TRAPPC9: variants seen among roughly 807,000 people sequenced by gnomAD.
The protein encoded by TRAPPC9 is trafficking protein particle complex subunit 9, also known as IKK2 binding protein.
TRAPPC9 carries 83 observed loss-of-function variants against 124.0 expected under a neutral mutation model. The ratio of observed to expected loss-of-function variants is 0.67; its 90% confidence interval spans 0.56 to 0.80. TRAPPC9 has a LOEUF of 0.80. Among genes scored for constraint, TRAPPC9 ranks in the 30% least tolerant of loss-of-function variants. TRAPPC9 has a pLI of 0.00. For synonymous variants in TRAPPC9, 638 were observed against 617.5 expected, an observed-to-expected ratio of 1.03 and a Z score of -0.49; for missense variants, 1,302 against 1,508.3, an observed-to-expected ratio of 0.86 and a Z score of 2.27.
At chr8:139,841,194 T>A (rs1455316228) in intron 21 of TRAPPC9, among the ~76,000 whole-genome samples, 1 of 152,162 alleles carries the variant, frequency 6.6e-6, no homozygotes, top group Non-Finnish European at 1.5e-5. Flanking sequence ...TCACATCGCA[T>A]CACTCCGCCC....
At chr8:139,813,153 G>A (rs111819110) in intron 21 of TRAPPC9, among the ~76,000 whole-genome samples, 9 of 152,342 alleles carry the variant, frequency 5.9e-5, no homozygotes, top group African/African-American at 1.2e-4. Flanking sequence ...CAAGCAGGGC[G>A]TGCCCCAGCA....
At chr8:139,989,220 T>C (rs756256096) in intron 18 of TRAPPC9, among the ~76,000 whole-genome samples, 10 of 152,170 alleles carry the variant, frequency 6.6e-5, no homozygotes, top group Non-Finnish European at 1.0e-4. Context: ...AGGCATACAG[T>C]GCCATTCAAG....
intron 19 of TRAPPC9, among the ~76,000 whole-genome samples, chr8:139,948,673 G>C (rs746543100): frequency 1.3e-5 from 2 of 152,158 alleles, no homozygotes; most frequent in Non-Finnish European, 2.9e-5. Context: ...ACCCTGATCT[G>C]GCCACAGGAT....
At chr8:140,387,708 TAA>T (rs1417283957) in intron 7 of TRAPPC9, among the ~76,000 whole-genome samples, 2 of 152,116 alleles carry the variant, frequency 1.3e-5, no homozygotes, top group African/African-American at 4.8e-5. Context: ...TGGTGATCAT[TAA>T]AAAGTCAGGA....
intron 11 of TRAPPC9, chr8:140,291,384 G>A (rs2065653585): frequency 2.3e-6 from 1 of 440,092 alleles, no homozygotes; most frequent in Non-Finnish European, 4.2e-6. Flanking sequence ...GGCACACTGC[G>A]CTTCACGGGG....
chr8:140,115,145 T>C (rs566945130), intron 17 of TRAPPC9, among the ~76,000 whole-genome samples: 1 of 152,206 alleles, frequency 6.6e-6, no homozygotes, highest in Admixed American at 6.5e-5. Flanking sequence ...ATTCTCGAAT[T>C]CTGGTATAAA....
At chr8:139,965,942 C>T (rs1835679784) in intron 19 of TRAPPC9, among the ~76,000 whole-genome samples, 1 of 152,256 alleles carries the variant, frequency 6.6e-6, no homozygotes, top group South Asian at 2.1e-4. Flanking sequence ...GCCTGCGCCA[C>T]AAGGCCTTCC....
At chr8:140,267,657 T>C (rs1175442058) in intron 15 of TRAPPC9, among the ~76,000 whole-genome samples, 1 of 145,374 alleles carries the variant, frequency 6.9e-6, no homozygotes, top group East Asian at 3.9e-4. Context: ...TCTTTTGGGG[T>C]TTTTCGTTGT....
At chr8:139,968,918 C>T (rs550071926) in intron 19 of TRAPPC9, among the ~76,000 whole-genome samples, 1 of 152,328 alleles carries the variant, frequency 6.6e-6, no homozygotes, top group South Asian at 2.1e-4. Flanking sequence ...ATGGCCCGTC[C>T]ACAATTTGTC....
intron 21 of TRAPPC9, among the ~76,000 whole-genome samples, chr8:139,743,973 C>T (rs1297643459): frequency 6.6e-6 from 1 of 152,204 alleles, no homozygotes; most frequent in Admixed American, 6.5e-5. Flanking sequence ...ACCATGTTGG[C>T]CTTCAGTGAC....
intron 18 of TRAPPC9, among the ~76,000 whole-genome samples, chr8:139,996,473 T>C (rs191993829): frequency 6.6e-6 from 1 of 151,132 alleles, no homozygotes; most frequent in Admixed American, 6.6e-5. Context: ...TTGGGATCAG[T>C]AAGGAATTAA....
intron 21 of TRAPPC9, among the ~76,000 whole-genome samples, chr8:139,758,473 G>A (rs1430107459): frequency 2.0e-5 from 3 of 152,236 alleles, no homozygotes; most frequent in Non-Finnish European, 4.4e-5. Context: ...GCTAGAAGGT[G>A]AGGCCAATGC....
rs1201850594 is a variant in TRAPPC9, at chr8:140,101,532, CTTTTTTTTGT to C, written c.2557-77463_2557-77454del. 7.5e-4 allele frequency among the ~76,000 whole-genome samples: 59 copies of C among 78,724 alleles called. 2 individuals carry two copies. Among genetic ancestry groups the C allele is most frequent in the Admixed American group, 2.6e-3 (19 of 7,204 alleles). 51.6% of individuals were successfully genotyped at this position (78,724 alleles called of 152,430 possible). A position where few individuals can be genotyped will look rare whatever the true frequency, so the allele number is the denominator to read the frequency against. On this transcript the variant is annotated intron_variant, in intron 17 of 22. Coordinates refer to ENST00000438773, the MANE Select transcript of TRAPPC9 (RefSeq NM_001160372.4). ...ACTTGGGTTGGTTTTGTAGGGTTTT[CTTTTTTTTGT>C]TTTTTTTTTTTTTTTTTGAGACGTA...
chr8:140,285,474 C>T (rs1336080339), intron 13 of TRAPPC9, among the ~76,000 whole-genome samples: 1 of 152,182 alleles, frequency 6.6e-6, no homozygotes, highest in African/African-American at 2.4e-5. Flanking sequence ...CACCTGACCA[C>T]ATCTCTCTTC....
chr8:140,039,591 T>C (rs1841129816), intron 17 of TRAPPC9, among the ~76,000 whole-genome samples: 1 of 152,226 alleles, frequency 6.6e-6, no homozygotes, highest in East Asian at 1.9e-4. Flanking sequence ...CATTAAGCCA[T>C]GGAGTACACT....
At chr8:140,376,535 A>G (rs958688408) in intron 7 of TRAPPC9, among the ~76,000 whole-genome samples, 1 of 141,296 alleles carries the variant, frequency 7.1e-6, no homozygotes, top group African/African-American at 2.7e-5. Flanking sequence ...TAGCCTGGGC[A>G]CAGAGCAAGA....
chr8:140,002,442 C>T (rs1838465495), intron 18 of TRAPPC9, among the ~76,000 whole-genome samples: 1 of 151,976 alleles, frequency 6.6e-6, no homozygotes, highest in Non-Finnish European at 1.5e-5. Context: ...TAGAATGACA[C>T]TGTAGATGTA....
chr8:139,857,149 A>G (rs1827853387), intron 21 of TRAPPC9, among the ~76,000 whole-genome samples: 1 of 152,112 alleles, frequency 6.6e-6, no homozygotes, highest in Non-Finnish European at 1.5e-5. Context: ...GTGAGAGTCC[A>G]TGGTTTCCAG....
intron 17 of TRAPPC9, among the ~76,000 whole-genome samples, chr8:140,181,370 C>T (rs1380754733): frequency 6.6e-6 from 1 of 152,200 alleles, no homozygotes; most frequent in Non-Finnish European, 1.5e-5. Flanking sequence ...AAATGATTCC[C>T]CTGCCTGATC....
Sources: allele counts gnomAD v4.1 joint callset (sites outside exome capture counted in the v4.1 genomes callset), GRCh38; gene constraint gnomAD v4.1.1; transcripts MANE v1.5; gene names NCBI Gene and HGNC (gene_info 2026-07-23, HGNC 2026-07-21).